Variants in ATXN2 observed in about 807,000 individuals in gnomAD.
The protein encoded by ATXN2 is ataxin-2.
A neutral mutation model predicts 138.6 loss-of-function variants in ATXN2; 37 were observed. The ratio of observed to expected loss-of-function variants is 0.27; its 90% CI spans 0.21 to 0.35. ATXN2 has a LOEUF of 0.35. ATXN2 is among the 10% of genes least tolerant of loss of function. The pLI, the probability that ATXN2 is intolerant of heterozygous loss-of-function variation, is 1.00. For synonymous variants in ATXN2, 549 were observed against 543.7 expected (o/e 1.01, Z -0.13); for missense variants, 1,216 against 1,480.3 (o/e 0.82, Z 2.93).
intron 21 of ATXN2, among the ~76,000 whole-genome samples, chr12:111,460,344 G>A (rs1429169971): frequency 6.6e-6 from 1 of 152,216 alleles, no homozygotes; most frequent in African/African-American, 2.4e-5. Context: ...AAAGTGCTGG[G>A]ACTACAGGCG....
chr12:111,557,397 C>T (rs1882450573), intron 1 of ATXN2, among the ~76,000 whole-genome samples: 8 of 152,152 alleles, frequency 5.3e-5, no homozygotes, highest in Admixed American at 5.2e-4. Context: ...ATCTAGGATT[C>T]CTTTCATTTC....
rs1362239736 is a variant in ATXN2, at chr12:111,470,237, G to A, written c.2713C>T (p.Pro905Ser). ...TGTATTACAGGACTATAGACATGAGGATGCTGTGTTCAAACAAAAAATAAA... is the reference window on the plus strand; with the variant it reads ...TGTATTACAGGACTATAGACATGAGAATGCTGTGTTCAAACAAAAAATAAA... Reference protein sequence around the residue: ...QHVPHYQSQHPHVYSPVIQGN... With the variant: ...QHVPHYQSQHSHVYSPVIQGN... Residue 905 changes from proline (P) to serine (S), a missense_variant, in exon 20 of 25, where the codon CCT (proline) becomes TCT (serine). Pro to Ser is a moderately conservative substitution (Grantham distance 74). Transcript: ENST00000673436. 2 of 1,612,880 alleles carry A rather than the reference G, an allele frequency of 1.2e-6. No individual in the cohort carries two copies. Among genetic ancestry groups the A allele is most frequent in the Non-Finnish European group, 1.7e-6 (2 of 1,179,532 alleles).
At chr12:111,583,388 C>T (rs1884122390) in intron 1 of ATXN2, among the ~76,000 whole-genome samples, 1 of 152,058 alleles carries the variant, frequency 6.6e-6, no homozygotes, top group African/African-American at 2.4e-5. Context: ...CAGTTAAGTG[C>T]CAACCATTCA....
intron 20 of ATXN2, among the ~76,000 whole-genome samples, chr12:111,466,667 A>C (rs956567370): frequency 1.3e-5 from 2 of 152,232 alleles, no homozygotes; most frequent in African/African-American, 4.8e-5. Flanking sequence ...AAAAATTTAA[A>C]AACAATAATC....
chr12:111,537,088 A>T (rs557297084), intron 5 of ATXN2, among the ~76,000 whole-genome samples: 82 of 151,874 alleles, frequency 5.4e-4, no homozygotes, highest in Non-Finnish European at 1.0e-3. Context: ...CCCGGCCCAC[A>T]CAAAAACTTT....
At chr12:111,574,080 G>A (rs1354422209) in intron 1 of ATXN2, among the ~76,000 whole-genome samples, 1 of 151,560 alleles carries the variant, frequency 6.6e-6, no homozygotes, top group Non-Finnish European at 1.5e-5. Context: ...CACTTTGGGA[G>A]GCTGAGGCAG....
chr12:111,553,604 A>ATTTTT lies in ATXN2; in HGVS notation c.348+549_348+553dup, dbSNP rs745560171. 2.8e-4 allele frequency among the ~76,000 whole-genome samples: 24 copies of ATTTTT among 85,004 alleles called. 2 individuals carry two copies. Among genetic ancestry groups the ATTTTT allele is most frequent in the East Asian group, 4.8e-4 (1 of 2,098 alleles). The allele number at this position is 85,004 out of a possible 152,430, so 55.8% of individuals were successfully genotyped here. On this transcript the variant is annotated intron_variant, in intron 3 of 24. Coordinates refer to ENST00000673436, the MANE Select transcript of ATXN2 (RefSeq NM_001372574.1). ...AAAAAAAAAAAAAAAAAAAAAAAAA[A>ATTTTT]TTTTTTTTTTTGAGAAGGGGTCTGT...
intron 14 of ATXN2, among the ~76,000 whole-genome samples, chr12:111,496,979 GA>G (rs745531379): frequency 2.0e-5 from 3 of 150,904 alleles, no homozygotes; most frequent in Middle Eastern, 3.4e-3. Flanking sequence ...GCCAGACTCA[GA>G]AAAAAAAGAG....
chr12:111,534,236 C>T (rs1881012024), intron 5 of ATXN2, among the ~76,000 whole-genome samples: 1 of 151,532 alleles, frequency 6.6e-6, no homozygotes, highest in African/African-American at 2.4e-5. Context: ...CCTGTCTCTA[C>T]CAAAAATATA....
intron 11 of ATXN2, chr12:111,512,346 C>G (rs1879584016): frequency 6.6e-6 from 1 of 152,084 alleles, no homozygotes; most frequent in South Asian, 2.1e-4. Context: ...TCTTTGTAAG[C>G]TCTTGCTTAC....
intron 14 of ATXN2, among the ~76,000 whole-genome samples, chr12:111,501,929 T>C (rs1432709888): frequency 6.6e-6 from 1 of 152,094 alleles, no homozygotes; most frequent in Admixed American, 6.6e-5. Context: ...TCTGACTCCG[T>C]TGCCCAGACT....
chr12:111,506,852 G>T (rs1879153442), intron 14 of ATXN2, among the ~76,000 whole-genome samples: 1 of 152,172 alleles, frequency 6.6e-6, no homozygotes, highest in Non-Finnish European at 1.5e-5. Flanking sequence ...TTTTGGTGGA[G>T]ACGGGGTTTC....
chr12:111,563,111 T>A (rs1034329779), intron 1 of ATXN2, among the ~76,000 whole-genome samples: 1 of 152,150 alleles, frequency 6.6e-6, no homozygotes, highest in Non-Finnish European at 1.5e-5. Flanking sequence ...AAACCTCAGA[T>A]AAACCCTAGT....
chr12:111,491,239 G>A (rs566275396), intron 14 of ATXN2, among the ~76,000 whole-genome samples: 85 of 152,070 alleles, frequency 5.6e-4, no homozygotes, highest in Non-Finnish European at 1.0e-3. Flanking sequence ...GGCAATAAGA[G>A]CGAAACTCTG....
chr12:111,578,761 C>T (rs1883823080), intron 1 of ATXN2, among the ~76,000 whole-genome samples: 1 of 152,138 alleles, frequency 6.6e-6, no homozygotes, highest in Non-Finnish European at 1.5e-5. Flanking sequence ...CACAATGAGG[C>T]CAGGCACAGG....
intron 14 of ATXN2, among the ~76,000 whole-genome samples, chr12:111,501,355 A>C (rs1403626494): frequency 6.6e-6 from 1 of 152,244 alleles, no homozygotes; most frequent in Non-Finnish European, 1.5e-5. Flanking sequence ...AGGGGGAGCA[A>C]GTACAAGCAA....
chr12:111,484,038 A>G (rs1391474943), intron 18 of ATXN2, among the ~76,000 whole-genome samples: 10 of 151,784 alleles, frequency 6.6e-5, no homozygotes, highest in Non-Finnish European at 1.0e-4. Context: ...TGCCCACCTC[A>G]GCCTCTCAAA....
chr12:111,514,114 A>G (rs1879720366), intron 10 of ATXN2, among the ~76,000 whole-genome samples: 1 of 152,208 alleles, frequency 6.6e-6, no homozygotes, highest in Non-Finnish European at 1.5e-5. Context: ...CATGATCATC[A>G]ATTTTAAAAC....
chr12:111,576,085 A>AATAACATAAC (rs373436951), intron 1 of ATXN2, among the ~76,000 whole-genome samples: 3,671 of 123,432 alleles, frequency 0.03, 165 homozygotes, highest in East Asian at 0.13. Context: ...TCTGTCTTAA[A>AATAACATAAC]ATAACATAAC....
Sources: gnomAD v4.1 joint callset for allele counts (sites outside exome capture counted in the v4.1 genomes callset) on GRCh38, gnomAD v4.1.1 for gene constraint, MANE v1.5 for transcripts, NCBI Gene and HGNC (gene_info 2026-07-23, HGNC 2026-07-21) for gene names.